Variants in HS1BP3 observed in about 807,000 individuals in gnomAD.
HS1BP3 encodes HCLS1-binding protein 3.
HS1BP3 carries 32 observed loss-of-function variants against 33.5 expected under a neutral mutation model. That is an observed-to-expected ratio of 0.95 (90% CI 0.72 to 1.28). The LOEUF is 1.28. Among genes scored for constraint, HS1BP3 ranks in the 50% most tolerant of loss-of-function variants. The pLI is 0.00. For synonymous variants in HS1BP3, 187 were observed against 209.2 expected, an observed-to-expected ratio of 0.89 and a Z score of 0.92; for missense variants, 486 against 502.3, an observed-to-expected ratio of 0.97 and a Z score of 0.31.
intron 2 of HS1BP3, among the ~76,000 whole-genome samples, chr2:20,609,020 C>T (rs1346718739): frequency 2.0e-5 from 3 of 152,230 alleles, no homozygotes; most frequent in Non-Finnish European, 1.5e-5. Flanking sequence ...CTGAGCCCGC[C>T]TGGCTACAGG....
chr2:20,570,179 A>G (rs1693231785), intron 5 of HS1BP3, among the ~76,000 whole-genome samples: 1 of 31,214 alleles, frequency 3.2e-5, no homozygotes, highest in Admixed American at 4.9e-4. Flanking sequence ...GTTTGAAAAG[A>G]GAGTTTTTTT....
At position 20,641,010 on chromosome 2, in the gene HS1BP3, G is replaced by A. The variant is rs771544273; in HGVS notation, c.369C>T (p.Ala123=). 11 of 1,614,018 alleles carry A rather than the reference G, an allele frequency of 6.8e-6. No individual in the cohort carries two copies. In the East Asian group the frequency reaches 1.3e-4, roughly 20 times the overall value. ...NEILRCVSKD[A]ELAGSPELLE... is the part of the protein sequence containing the mutation. ...GCAGCTCTGGGCTGCCTGCCAACTC[G>A]GCATCCTTGGAGACACAGCGCAGGA... Residue 123 remains alanine (A), a synonymous_variant, in exon 3 of 7, where the codon GCC becomes GCT. Transcript: ENST00000304031.
downstream of HS1BP3, among the ~76,000 whole-genome samples, chr2:20,589,132 C>T (rs1004439376): frequency 4.6e-5 from 7 of 152,204 alleles, 1 homozygote; most frequent in African/African-American, 1.7e-4. Flanking sequence ...GACCACTAGC[C>T]CTGCTTTGCA....
chr2:20,622,531 T>A, intron 6 of HS1BP3: 1 of 345,932 alleles, frequency 2.9e-6, no homozygotes, highest in South Asian at 2.2e-5. Context: ...CCCTGCTTTT[T>A]GTGGCATTTC....
chr2:20,597,880 G>T (rs1182119831), intron 3 of HS1BP3, among the ~76,000 whole-genome samples: 1 of 152,024 alleles, frequency 6.6e-6, no homozygotes, highest in Non-Finnish European at 1.5e-5. Flanking sequence ...ATCCTTTCTG[G>T]GCTGTGATGA....
chr2:20,649,750 G>T (rs900119661), intron 1 of HS1BP3, among the ~76,000 whole-genome samples: 1 of 152,208 alleles, frequency 6.6e-6, no homozygotes, highest in Non-Finnish European at 1.5e-5. Context: ...CTGCAGGCAA[G>T]ATCCTTGGGT....
chr2:20,587,503 G>A (rs1264533622), intron 5 of HS1BP3, among the ~76,000 whole-genome samples: 1 of 152,162 alleles, frequency 6.6e-6, no homozygotes, highest in Admixed American at 6.5e-5. Flanking sequence ...GAAGAGCCTG[G>A]CGAAAGGTTG....
intron 2 of HS1BP3, among the ~76,000 whole-genome samples, chr2:20,602,029 G>C (rs529632023): frequency 1.3e-5 from 2 of 151,498 alleles, no homozygotes; most frequent in African/African-American, 2.4e-5. Flanking sequence ...TGTGTGTGGC[G>C]AAACTGTTGG....
chr2:20,626,177 C>G (rs1000487211), intron 4 of HS1BP3, among the ~76,000 whole-genome samples: 2 of 152,192 alleles, frequency 1.3e-5, no homozygotes, highest in African/African-American at 4.8e-5. Flanking sequence ...CAGAATGGCC[C>G]TGGGTGCTGG....
intron 3 of HS1BP3, among the ~76,000 whole-genome samples, chr2:20,639,200 C>T (rs868160340): frequency 9.2e-5 from 14 of 152,170 alleles, no homozygotes; most frequent in African/African-American, 1.4e-4. Context: ...CCAGAACAAA[C>T]GGTAATCACT....
In HS1BP3 at chr2:20,601,770, C is replaced by CTTTTTTTTTTTT. The variant is rs35644786; in HGVS notation, c.179-3517_179-3506dup. Among the ~76,000 whole-genome samples the CTTTTTTTTTTTT allele has an allele frequency of 2.9e-5, 2 of 69,122 alleles. 1 individual carries two copies. Among genetic ancestry groups the CTTTTTTTTTTTT allele is most frequent in the Non-Finnish European group, 5.1e-5 (2 of 39,436 alleles). 45.3% of individuals were successfully genotyped at this position (69,122 alleles called of 152,430 possible). Reference sequence around the variant, plus strand: ...ATCACCCAGTTTTCAAGTGTGTCTTCTTTTTTTTTTTTTTTTTTTTTTTTT... The same window carrying CTTTTTTTTTTTT: ...ATCACCCAGTTTTCAAGTGTGTCTTCTTTTTTTTTTTTTTTTTTTTTTTTTTTTTTTTTTTTT... On this transcript the variant is annotated intron_variant, in intron 2 of 3. Transcript: ENST00000415264.
At chr2:20,598,685 A>G (rs1421842025) in intron 2 of HS1BP3, among the ~76,000 whole-genome samples, 1 of 146,840 alleles carries the variant, frequency 6.8e-6, no homozygotes, top group Non-Finnish European at 1.5e-5. Flanking sequence ...CAGCCTCCCG[A>G]GTAGCTGGGA....
At chr2:20,579,440 G>C (rs186961501) in intron 5 of HS1BP3, among the ~76,000 whole-genome samples, 4 of 152,220 alleles carry the variant, frequency 2.6e-5, no homozygotes, top group Non-Finnish European at 5.9e-5. Flanking sequence ...AAGATCCTCC[G>C]GCACAACAAA....
rs746489178 is a variant in HS1BP3 at position 20,641,066 on chromosome 2, T to C, written c.313A>G (p.Ile105Val). ...TTGAACACGGCTCTCCTCTCCCGGA[T>C]GTCAGACTCCCCAACAAACAGGACC... ...RKVLFVGESD[I>V]RERRAVFNEI... The change falls in exon 3 of 7, where the codon ATC (isoleucine) becomes GTC (valine). Residue 105 changes from isoleucine (I) to valine (V), a missense_variant. Coordinates refer to ENST00000304031, the MANE Select transcript of HS1BP3 (RefSeq NM_022460.4). 1.9e-6 allele frequency: 3 copies of C among 1,614,034 alleles called. No individual in the cohort carries two copies. Among genetic ancestry groups the C allele is most frequent in the East Asian group, 2.2e-5 (1 of 44,894 alleles).
intron 4 of HS1BP3, among the ~76,000 whole-genome samples, chr2:20,632,735 C>T (rs1695006662): frequency 6.6e-6 from 1 of 152,244 alleles, no homozygotes; most frequent in African/African-American, 2.4e-5. Flanking sequence ...CACTGAATCC[C>T]ACTAAGGATT....
Position 20,638,634 on chromosome 2 carries a change from G to T in HS1BP3, c.425C>A (p.Ala142Asp). 6.2e-7 allele frequency: 1 copy of T among 1,613,912 alleles called. No individual in the cohort carries two copies. Among genetic ancestry groups the T allele is most frequent in the Middle Eastern group, 1.7e-4 (1 of 6,056 alleles). ...GGAATCTCTGCTGGTGAGCCCTGCA[G>T]CCCCTGGGGATCTGGTACCTGTGGA... ...LEFLGTRSPG[A>D]AGLTSRDSSV... is the part of the protein sequence containing the mutation. Residue 142 changes from alanine to aspartate, a missense_variant, in exon 4 of 7, where the codon GCT becomes GAT. Coordinates refer to ENST00000304031, the MANE Select transcript of HS1BP3 (RefSeq NM_022460.4).
chr2:20,588,429 G>A (rs1052222905), downstream of HS1BP3, among the ~76,000 whole-genome samples: 2 of 152,248 alleles, frequency 1.3e-5, no homozygotes, highest in African/African-American at 4.8e-5. Flanking sequence ...CGATTCTCCC[G>A]CCTCAGCCTC....
At chr2:20,604,877 C>T (rs867105483) in intron 2 of HS1BP3, among the ~76,000 whole-genome samples, 2 of 152,162 alleles carry the variant, frequency 1.3e-5, no homozygotes, top group Admixed American at 1.3e-4. Flanking sequence ...ACTACCTGCC[C>T]TCCCATCCCC....
intron 2 of HS1BP3, among the ~76,000 whole-genome samples, chr2:20,644,961 T>A (rs1265118652): frequency 6.6e-6 from 1 of 152,156 alleles, no homozygotes; most frequent in Non-Finnish European, 1.5e-5. Flanking sequence ...GCTTAGGATG[T>A]GTTGTCTGCC....
Sources: allele counts gnomAD v4.1 joint callset (sites outside exome capture counted in the v4.1 genomes callset), GRCh38; gene constraint gnomAD v4.1.1; transcripts MANE v1.5; gene names NCBI Gene and HGNC (gene_info 2026-07-23, HGNC 2026-07-21).